ADAM9: variants seen among roughly 807,000 people sequenced by gnomAD.
ADAM9 encodes ADAM metallopeptidase domain 9.
ADAM9 carries 54 observed loss-of-function variants against 108.1 expected under a neutral mutation model. The observed-to-expected ratio is 0.50, with a 90% CI of 0.40 to 0.63. The LOEUF is 0.63. Among genes scored for constraint, ADAM9 ranks in the 20% least tolerant of loss-of-function variants. The pLI is 0.00. For missense variants in ADAM9, 830 were observed against 997.7 expected, an observed-to-expected ratio of 0.83 and a Z score of 2.26; for synonymous variants, 316 against 336.0, an observed-to-expected ratio of 0.94 and a Z score of 0.65.
chr8:39,096,857 C>T (rs994970066), intron 20 of ADAM9, among the ~76,000 whole-genome samples: 1 of 152,100 alleles, frequency 6.6e-6, no homozygotes, highest in Non-Finnish European at 1.5e-5. Flanking sequence ...GTTCCTGTCT[C>T]TTTGTTGATA....
intron 8 of ADAM9, among the ~76,000 whole-genome samples, chr8:39,022,234 G>A (rs1261667192): frequency 2.0e-5 from 3 of 152,116 alleles, no homozygotes; most frequent in African/African-American, 7.2e-5. Flanking sequence ...TAAACGTGAT[G>A]ATGACGATGA....
Position 39,086,276 on chromosome 8 carries a change from A to G in ADAM9, c.2068+3203A>G, listed in dbSNP as rs1839179213. On this transcript the variant is annotated intron_variant, in intron 18 of 21. Transcript: ENST00000487273. ...ATGATTCACCCACCTCAGCCTCCCA[A>G]AGTTCTGGGATTATAAGTGTGAGCC... is the stretch of plus-strand genomic sequence containing the variant. Among the ~76,000 whole-genome samples the G allele has an allele frequency of 3.3e-5, 5 of 152,088 alleles. No homozygotes were observed. The South Asian group carries it at 1.0e-3, about 32-fold the overall frequency.
chr8:39,026,873 G>A, intron 11 of ADAM9, 63 bp downstream of exon 11: 1 of 1,596,460 alleles, frequency 6.3e-7, no homozygotes. Context: ...CTTACACTGT[G>A]AGGGATATTC....
chr8:39,077,511 T>C, intron 16 of ADAM9, 100 bp downstream of exon 16: 3 of 1,129,812 alleles, frequency 2.7e-6, no homozygotes, highest in South Asian at 1.7e-5. Flanking sequence ...AAAAGTAATC[T>C]AAATTCATTA....
At chr8:39,054,102 A>G (rs2129438579) in intron 12 of ADAM9, among the ~76,000 whole-genome samples, 1 of 152,320 alleles carries the variant, frequency 6.6e-6, no homozygotes, top group African/African-American at 2.4e-5. Flanking sequence ...CACAGCAAGA[A>G]GGCAGCCCTC....
chr8:39,012,384 A>G (rs981346326), intron 3 of ADAM9, among the ~76,000 whole-genome samples: 25 of 152,222 alleles, frequency 1.6e-4, no homozygotes, highest in Non-Finnish European at 3.5e-4. Flanking sequence ...GGAAGACAGT[A>G]TGGCGATTCC....
At position 39,007,996 on chromosome 8, in the gene ADAM9, T is replaced by G; in HGVS notation, c.195+13T>G. ...CTATTCAAAACAAGTAAGTTATAAT[T>G]GTTGAGAAATAATATGTGGTTAATT... On this transcript the variant is annotated intron_variant, in intron 2 of 21. Coordinates refer to ENST00000487273, the MANE Select transcript of ADAM9 (RefSeq NM_003816.3). The G allele has an allele frequency of 6.4e-7, 1 of 1,556,918 alleles. No homozygotes were observed. Among genetic ancestry groups the G allele is most frequent in the South Asian group, 1.1e-5 (1 of 89,892 alleles).
intron 12 of ADAM9, among the ~76,000 whole-genome samples, chr8:39,049,885 T>A (rs1477375380): frequency 2.0e-5 from 3 of 152,238 alleles, no homozygotes; most frequent in Non-Finnish European, 4.4e-5. Flanking sequence ...TGCTCCTGTG[T>A]TGCTGTCTAG....
At chr8:39,087,240 A>G (rs975889858) in intron 18 of ADAM9, among the ~76,000 whole-genome samples, 1 of 147,710 alleles carries the variant, frequency 6.8e-6, no homozygotes, top group African/African-American at 2.5e-5. Flanking sequence ...TAAGGCTCAC[A>G]TTTTTTTTTT....
At chr8:39,037,751 G>A (rs980858208) in intron 11 of ADAM9, among the ~76,000 whole-genome samples, 2 of 152,130 alleles carry the variant, frequency 1.3e-5, no homozygotes, top group African/African-American at 2.4e-5. Context: ...AGCAGGCGCT[G>A]TGCTTACCAC....
intron 14 of ADAM9, among the ~76,000 whole-genome samples, chr8:39,065,685 A>ACATAATCT (rs1446971293): frequency 1.3e-5 from 2 of 149,036 alleles, no homozygotes; most frequent in East Asian, 3.9e-4. Context: ...AAAAAAAAGG[A>ACATAATCT]CATAATCTGT....
chr8:39,099,910 C>T (rs760004659), intron 20 of ADAM9, among the ~76,000 whole-genome samples: 108 of 119,502 alleles, frequency 9.0e-4, no homozygotes, highest in Middle Eastern at 9.1e-3. Flanking sequence ...GATGGAGTCT[C>T]GCTGTGTTGC....
At chr8:39,017,457 T>C (rs963549785) in intron 6 of ADAM9, 43 bp downstream of exon 6, 15 of 1,583,314 alleles carry the variant, frequency 9.5e-6, no homozygotes, top group Admixed American at 1.7e-5. Context: ...ACTACCATTT[T>C]AGAAAAATCA....
In ADAM9 at chr8:39,105,098, A is replaced by G. The variant is rs754900850; in HGVS notation, c.*1398A>G. 13 of 407,968 alleles carry G rather than the reference A, an allele frequency of 3.2e-5. No individual in the cohort carries two copies. Among genetic ancestry groups the G allele is most frequent in the South Asian group, 2.4e-4 (13 of 54,206 alleles). 25.3% of individuals were successfully genotyped at this position (407,968 alleles called of 1,614,324 possible). A position where few individuals can be genotyped will look rare whatever the true frequency, so the allele number is the denominator to read the frequency against. On this transcript the variant is annotated 3_prime_UTR_variant, in exon 22 of 22. Coordinates refer to ENST00000487273, the MANE Select transcript of ADAM9 (RefSeq NM_003816.3). ...AAAAATTCTAGTCAAATTTTTACAGATATTATCTCACTAATTTTCAGACTT... is the reference window on the plus strand; with the variant it reads ...AAAAATTCTAGTCAAATTTTTACAGGTATTATCTCACTAATTTTCAGACTT...
At chr8:39,046,776 T>TG (rs1298726343) in intron 12 of ADAM9, among the ~76,000 whole-genome samples, 1 of 134,844 alleles carries the variant, frequency 7.4e-6, no homozygotes, top group Non-Finnish European at 1.5e-5. Flanking sequence ...ATTAATTAAA[T>TG]TTTTTTTTTT....
intron 18 of ADAM9, among the ~76,000 whole-genome samples, chr8:39,086,034 A>C (rs1366441428): frequency 6.6e-6 from 1 of 150,870 alleles, no homozygotes; most frequent in Non-Finnish European, 1.5e-5. Flanking sequence ...ACTTTTTTTG[A>C]GACAGAGTCT....
chr8:39,100,203 C>G (rs908745483), intron 20 of ADAM9, among the ~76,000 whole-genome samples: 1 of 151,790 alleles, frequency 6.6e-6, no homozygotes, highest in Non-Finnish European at 1.5e-5. Context: ...TTGTAAGATT[C>G]AGTCGGCTGG....
intron 16 of ADAM9, among the ~76,000 whole-genome samples, chr8:39,081,741 T>A (rs903572288): frequency 6.6e-6 from 1 of 152,220 alleles, no homozygotes; most frequent in African/African-American, 2.4e-5. Context: ...CGATATTTCG[T>A]TGTAGGTTTG....
In ADAM9 at chr8:39,016,192, C is replaced by A. The variant is rs765025969; in HGVS notation, c.408C>A (p.Leu136=). The change falls in exon 5 of 22, where the codon CTC becomes CTA. Residue 136 remains leucine (L), a splice_region_variant and synonymous_variant. Transcript: ENST00000487273. Reference sequence around the variant, plus strand: ...TTGCTCTTAGCGACTGTTTTGGACTCAGGTAAGCAATTTCCTTTATCTTCT... The same window carrying A: ...TTGCTCTTAGCGACTGTTTTGGACTAAGGTAAGCAATTTCCTTTATCTTCT... The part of the protein sequence containing the change: ...SSIALSDCFG[L]RGLLHLENAS... The A allele has an allele frequency of 2.5e-6, 4 of 1,612,560 alleles. No homozygotes were observed. The highest frequency in any genetic ancestry group is 3.4e-6 in the Non-Finnish European group (4 of 1,178,826).
Sources: gnomAD v4.1 joint callset for allele counts (sites outside exome capture counted in the v4.1 genomes callset) on GRCh38, gnomAD v4.1.1 for gene constraint, MANE v1.5 for transcripts, NCBI Gene and HGNC (gene_info 2026-07-23, HGNC 2026-07-21) for gene names.